PHF14: variants seen among roughly 807,000 people sequenced by gnomAD.
PHF14 encodes the protein PHD finger protein 14.
In PHF14, 55 loss-of-function variants were observed where a neutral mutation model predicts 117.9. The observed-to-expected ratio is 0.47, with a 90% CI of 0.38 to 0.58. The LOEUF is 0.58. Ranked by LOEUF, PHF14 falls within the 20% of genes least tolerant of loss-of-function variation. The pLI, the probability that PHF14 is intolerant of heterozygous loss-of-function variation, is 0.00. For missense variants in PHF14, 978 were observed against 1,122.2 expected (o/e 0.87, Z 1.84); for synonymous variants, 409 against 368.6 (o/e 1.11, Z -1.26).
intron 17 of PHF14, among the ~76,000 whole-genome samples, chr7:11,133,470 T>C (rs1233577544): frequency 1.3e-5 from 2 of 151,968 alleles, no homozygotes; most frequent in African/African-American, 4.8e-5. Flanking sequence ...TCAGTTAATA[T>C]ATTTTTAATG....
chr7:11,071,781 C>T (rs1785620788), intron 16 of PHF14, among the ~76,000 whole-genome samples: 1 of 152,072 alleles, frequency 6.6e-6, no homozygotes, highest in Non-Finnish European at 1.5e-5. Context: ...GATTTTGTTT[C>T]CACAACTAAT....
At chr7:10,991,134 G>A (rs1467668810) in intron 4 of PHF14, among the ~76,000 whole-genome samples, 1 of 151,576 alleles carries the variant, frequency 6.6e-6, no homozygotes, top group Non-Finnish European at 1.5e-5. Context: ...GGGACTACAG[G>A]CGCCCACCAC....
intron 10 of PHF14, among the ~76,000 whole-genome samples, chr7:11,037,688 AAAATGTTATACC>A (rs1262745336): frequency 3.9e-5 from 6 of 152,244 alleles, no homozygotes; most frequent in African/African-American, 1.4e-4. Flanking sequence ...AAATGTGGTT[AAAATGTTATACC>A]AAGTATAACT....
At chr7:11,164,445 G>T (rs906771625) in intron 17 of PHF14, among the ~76,000 whole-genome samples, 1 of 152,138 alleles carries the variant, frequency 6.6e-6, no homozygotes, top group South Asian at 2.1e-4. Context: ...AGGTACTTAG[G>T]AATTTGGGGT....
At chr7:11,088,867 G>C (rs1786530330) in intron 16 of PHF14, among the ~76,000 whole-genome samples, 1 of 151,948 alleles carries the variant, frequency 6.6e-6, no homozygotes, top group African/African-American at 2.4e-5. Context: ...TATTTACATA[G>C]GAATGAGGAA....
At chr7:11,149,136 G>C (rs1277751312) in intron 17 of PHF14, among the ~76,000 whole-genome samples, 1 of 152,036 alleles carries the variant, frequency 6.6e-6, no homozygotes, top group African/African-American at 2.4e-5. Flanking sequence ...AGATTTGTCT[G>C]ACACCAAAGC....
At chr7:11,075,575 T>A (rs977168372) in intron 16 of PHF14, among the ~76,000 whole-genome samples, 26 of 147,984 alleles carry the variant, frequency 1.8e-4, no homozygotes, top group African/African-American at 5.7e-4. Context: ...TTTTTTTTTT[T>A]TTTTTTTTTT....
At chr7:10,986,392 G>C (rs893156795) in intron 3 of PHF14, among the ~76,000 whole-genome samples, 1 of 152,128 alleles carries the variant, frequency 6.6e-6, no homozygotes, top group African/African-American at 2.4e-5. Flanking sequence ...CAAGTTATCA[G>C]ATCCCATTTC....
At chr7:10,990,445 A>G (rs895038587) in intron 3 of PHF14, among the ~76,000 whole-genome samples, 3 of 152,186 alleles carry the variant, frequency 2.0e-5, no homozygotes, top group African/African-American at 4.8e-5. Flanking sequence ...GCTTTTTCAT[A>G]TCCTAGAGGA....
At chr7:11,138,103 C>T (rs1253035498) in intron 17 of PHF14, among the ~76,000 whole-genome samples, 1 of 151,046 alleles carries the variant, frequency 6.6e-6, no homozygotes, top group Non-Finnish European at 1.5e-5. Context: ...TGCAGTGGCA[C>T]GATCTTGGCT....
intron 10 of PHF14, 85 bp from the exon 11 acceptor site, chr7:11,038,671 TTATA>T: frequency 3.0e-6 from 1 of 335,614 alleles, no homozygotes. Context: ...AAAAAAAAAA[TTATA>T]TATATATATG....
At chr7:11,039,534 A>AT (rs1221799694) in intron 11 of PHF14, among the ~76,000 whole-genome samples, 2 of 152,020 alleles carry the variant, frequency 1.3e-5, no homozygotes, top group Admixed American at 6.6e-5. Flanking sequence ...TTTCGCAAAT[A>AT]TTTTTTATTT....
At chr7:11,094,836 GTCTA>G (rs1786784267) in intron 16 of PHF14, among the ~76,000 whole-genome samples, 2 of 152,140 alleles carry the variant, frequency 1.3e-5, no homozygotes, top group African/African-American at 4.8e-5. Context: ...CTTTTATGGG[GTCTA>G]TCTTTCTTGT....
intron 16 of PHF14, chr7:11,105,699 C>T: frequency 1.0e-6 from 1 of 984,452 alleles, no homozygotes. Flanking sequence ...GCAAATATTT[C>T]TCTATAAAAG....
chr7:11,102,739 A>AT (rs1041392587), intron 16 of PHF14: 28 of 1,371,892 alleles, frequency 2.0e-5, no homozygotes, highest in African/African-American at 4.4e-5. Context: ...CCTGTGTGGA[A>AT]TTTTTTTTCC....
intron 10 of PHF14, among the ~76,000 whole-genome samples, chr7:11,037,988 TA>T (rs1177098093): frequency 6.6e-6 from 1 of 152,120 alleles, no homozygotes; most frequent in Non-Finnish European, 1.5e-5. Context: ...TAACAAACTG[TA>T]AAAGAAGGTA....
Position 10,982,562 on chromosome 7 carries a change from G to T in PHF14, c.303G>T (p.Lys101Asn). 1 of 1,508,088 alleles carries T rather than the reference G, an allele frequency of 6.6e-7. No homozygotes were observed. Among genetic ancestry groups the T allele is most frequent in the South Asian group, 1.2e-5 (1 of 81,602 alleles). The allele number at this position is 1,508,088 out of a possible 1,614,324, so 93.4% of individuals were successfully genotyped here. A position where few individuals can be genotyped will look rare whatever the true frequency, so the allele number is the denominator to read the frequency against. ...SSEKQLIKME[K>N]KEEEENGERP... ...AAAAACAATTAATTAAAATGGAAAA[G>T]AAGGAAGAAGAAGAAAATGGAGAAA... The change falls in exon 3 of 18, where the codon AAG becomes AAT. Residue 101 changes from lysine to asparagine, a missense_variant. Physicochemically the swap from Lys to Asn is moderately conservative, Grantham distance 94. Transcript: ENST00000634607.
chr7:11,105,185 C>T (rs1208197222), intron 16 of PHF14: 3 of 965,550 alleles, frequency 3.1e-6, no homozygotes, highest in Non-Finnish European at 3.7e-6. Flanking sequence ...CAAAATTTAG[C>T]CTTAGCTTTT....
chr7:11,024,319 A>G (rs539212883), intron 6 of PHF14, among the ~76,000 whole-genome samples: 11 of 152,352 alleles, frequency 7.2e-5, no homozygotes, highest in African/African-American at 2.6e-4. Flanking sequence ...GATGAAGAAG[A>G]TGCAGCAGGT....
Sources: gnomAD v4.1 joint callset for allele counts (sites outside exome capture counted in the v4.1 genomes callset) on GRCh38, gnomAD v4.1.1 for gene constraint, MANE v1.5 for transcripts, NCBI Gene and HGNC (gene_info 2026-07-23, HGNC 2026-07-21) for gene names.